PDE1C: variants seen among roughly 807,000 people sequenced by gnomAD.
PDE1C encodes phosphodiesterase 1C.
A neutral mutation model predicts 93.1 loss-of-function variants in PDE1C; 62 were observed. The observed-to-expected ratio is 0.67, with a 90% CI of 0.54 to 0.82. The LOEUF (loss-of-function observed/expected upper bound fraction) is 0.82. Ranked by LOEUF, PDE1C falls within the 40% of genes least tolerant of loss-of-function variation. The probability of loss-of-function intolerance (pLI) is 0.00; values close to 1 mark genes in which losing one functional copy is unlikely to be tolerated. For missense variants in PDE1C, 742 were observed against 884.6 expected, an observed-to-expected ratio of 0.84 and a Z score of 2.04; for synonymous variants, 325 against 310.1, an observed-to-expected ratio of 1.05 and a Z score of -0.50.
At chr7:32,310,291 C>G (rs1782984035) in intron 1 of PDE1C, among the ~76,000 whole-genome samples, 1 of 151,998 alleles carries the variant, frequency 6.6e-6, no homozygotes, top group African/African-American at 2.4e-5. Context: ...GACTCCCACA[C>G]ATTAATAATG....
chr7:31,869,679 C>T (rs1003919916), intron 6 of PDE1C, among the ~76,000 whole-genome samples: 2 of 152,134 alleles, frequency 1.3e-5, no homozygotes, highest in South Asian at 2.1e-4. Flanking sequence ...TAGTTTGAGA[C>T]TTCAGCACTC....
intron 8 of PDE1C, 135 bp from the exon 9 acceptor site, chr7:31,848,231 C>G: frequency 1.3e-6 from 1 of 774,822 alleles, no homozygotes; most frequent in East Asian, 2.6e-5. Context: ...GTTATATGAA[C>G]CAAAAGCTCA....
At chr7:32,090,762 G>C (rs1416540573) in intron 3 of PDE1C, among the ~76,000 whole-genome samples, 4 of 152,084 alleles carry the variant, frequency 2.6e-5, no homozygotes, top group Non-Finnish European at 5.9e-5. Context: ...ACTATGATTT[G>C]CATATATTTT....
At chr7:31,841,102 C>T (rs1419538514) in intron 9 of PDE1C, among the ~76,000 whole-genome samples, 1 of 151,734 alleles carries the variant, frequency 6.6e-6, no homozygotes, top group Non-Finnish European at 1.5e-5. Flanking sequence ...ACATGAGCTG[C>T]ATTTGTTTTT....
At chr7:31,701,003 T>C in the PDE1C span, among the ~76,000 whole-genome samples, 1 of 152,212 alleles carries the variant, frequency 6.6e-6, no homozygotes, top group Non-Finnish European at 1.5e-5. Context: ...GTTGTTTTCA[T>C]GCCTGCTAAT....
intron 2 of PDE1C, among the ~76,000 whole-genome samples, chr7:32,195,974 T>G (rs1460531121): frequency 1.3e-5 from 2 of 152,192 alleles, no homozygotes; most frequent in African/African-American, 4.8e-5. Flanking sequence ...ATTATCATTG[T>G]ACAATGCTAT....
chr7:32,203,960 C>G (rs1243504113), intron 2 of PDE1C, among the ~76,000 whole-genome samples: 3 of 152,130 alleles, frequency 2.0e-5, no homozygotes, highest in Admixed American at 2.0e-4. Context: ...TTCACCTTTT[C>G]ACTTAAAGAA....
intron 1 of PDE1C, among the ~76,000 whole-genome samples, chr7:32,235,506 A>G (rs1423598496): frequency 6.6e-6 from 1 of 152,076 alleles, no homozygotes; most frequent in Non-Finnish European, 1.5e-5. Flanking sequence ...TTTTCTATAT[A>G]CTAACAGTGG....
intron 2 of PDE1C, among the ~76,000 whole-genome samples, chr7:31,913,087 A>G (rs1801450162): frequency 6.6e-6 from 1 of 152,182 alleles, no homozygotes; most frequent in African/African-American, 2.4e-5. Context: ...TTGATTCACC[A>G]TATCAGTCTG....
chr7:32,054,309 C>T (rs1057341292), intron 1 of PDE1C, among the ~76,000 whole-genome samples: 2 of 152,114 alleles, frequency 1.3e-5, no homozygotes, highest in Non-Finnish European at 2.9e-5. Context: ...CTAACTTCAC[C>T]CACACTAGCT....
chr7:32,054,331 G>A (rs1793768607), intron 1 of PDE1C, among the ~76,000 whole-genome samples: 1 of 152,174 alleles, frequency 6.6e-6, no homozygotes, highest in Non-Finnish European at 1.5e-5. Flanking sequence ...TGAGACCTCA[G>A]GCAAGCTCTG....
chr7:32,378,291 A>G (rs1039853922), intron 1 of PDE1C, among the ~76,000 whole-genome samples: 5 of 152,158 alleles, frequency 3.3e-5, no homozygotes, highest in Non-Finnish European at 4.4e-5. Flanking sequence ...CCGATCTTGA[A>G]ACCACCTTTG....
Position 32,374,299 on chromosome 7 carries a change from GAA to G in PDE1C, c.310+53521_310+53522del, listed in dbSNP as rs1371938513. On this transcript the variant is annotated intron_variant, in intron 1 of 1. Transcript: ENST00000672256. ...AGAAAGAAAGAAAGAAAGAAAGAAA[GAA>G]AGAAAGAAGAAAAGAAAAGAAAACT... is the stretch of plus-strand genomic sequence containing the variant. Among the ~76,000 whole-genome samples, 330 of 149,702 alleles carry G rather than the reference GAA, an allele frequency of 2.2e-3. 1 individual carries two copies. Among genetic ancestry groups the G allele is most frequent in the African/African-American group, 7.3e-3 (293 of 39,978 alleles).
intron 16 of PDE1C, among the ~76,000 whole-genome samples, chr7:31,800,779 T>TTTTTTTTG (rs1785909702): frequency 6.6e-6 from 1 of 151,430 alleles, no homozygotes; most frequent in South Asian, 2.1e-4. Flanking sequence ...AAAAAAAGCA[T>TTTTTTTTG]ACTAGGATTT....
At chr7:31,630,516 A>G in the PDE1C span, among the ~76,000 whole-genome samples, 1 of 152,146 alleles carries the variant, frequency 6.6e-6, no homozygotes, top group African/African-American at 2.4e-5. Flanking sequence ...TGTTGAACTA[A>G]TAAAGATTCT....
At chr7:31,826,668 G>A (rs143602606) in intron 12 of PDE1C, among the ~76,000 whole-genome samples, 152 of 152,222 alleles carry the variant, frequency 1.0e-3, no homozygotes, top group Non-Finnish European at 1.7e-3. Flanking sequence ...CCTCTCTTCT[G>A]GAGAGGCCCC....
chr7:31,728,556 AT>A, the PDE1C span, among the ~76,000 whole-genome samples: 7 of 152,224 alleles, frequency 4.6e-5, no homozygotes, highest in Non-Finnish European at 7.3e-5. Flanking sequence ...TAGAACTTAT[AT>A]TCATTCATGT....
At chr7:31,898,961 A>G (rs771372265) in intron 2 of PDE1C, among the ~76,000 whole-genome samples, 12 of 152,130 alleles carry the variant, frequency 7.9e-5, no homozygotes, top group Non-Finnish European at 1.2e-4. Flanking sequence ...CTAGATTTCA[A>G]CTGGAAGAAG....
the PDE1C span, among the ~76,000 whole-genome samples, chr7:31,637,233 G>A: frequency 6.6e-6 from 1 of 151,634 alleles, no homozygotes; most frequent in African/African-American, 2.4e-5. Context: ...ATGATTTATA[G>A]TCCTTTGGGT....
Sources: allele counts gnomAD v4.1 joint callset (sites outside exome capture counted in the v4.1 genomes callset), GRCh38; gene constraint gnomAD v4.1.1; transcripts MANE v1.5; gene names NCBI Gene and HGNC (gene_info 2026-07-23, HGNC 2026-07-21).